RBMS3: variants seen among roughly 807,000 people sequenced by gnomAD.
The protein encoded by RBMS3 is RNA binding motif single stranded interacting protein 3.
Under a neutral mutation model 66.8 loss-of-function variants are expected in RBMS3, and 27 were observed. That is an observed-to-expected ratio of 0.40 (90% CI 0.30 to 0.56). The LOEUF is 0.56. RBMS3 is among the 20% of genes least tolerant of loss of function. RBMS3 has a pLI of 0.40. For missense variants in RBMS3, 513 were observed against 549.5 expected (o/e 0.93, Z 0.66); for synonymous variants, 188 against 183.0 (o/e 1.03, Z -0.22).
intron 7 of RBMS3, among the ~76,000 whole-genome samples, chr3:29,871,684 T>A (rs1304534385): frequency 1.3e-5 from 2 of 152,166 alleles, no homozygotes; most frequent in East Asian, 3.9e-4. Context: ...GGCTAATGTT[T>A]ACTTTTCCTC....
intron 1 of RBMS3, among the ~76,000 whole-genome samples, chr3:29,418,789 T>G (rs1016018290): frequency 3.3e-5 from 5 of 152,186 alleles, no homozygotes; most frequent in African/African-American, 1.2e-4. Flanking sequence ...TTCATTTGAG[T>G]AAAAGCCACC....
At chr3:29,408,150 T>C (rs2040105575) in intron 1 of RBMS3, among the ~76,000 whole-genome samples, 1 of 150,676 alleles carries the variant, frequency 6.6e-6, no homozygotes. Context: ...CGGGTGCCTG[T>C]AGCCCCAGCT....
intron 4 of RBMS3, among the ~76,000 whole-genome samples, chr3:29,716,784 G>A (rs563351855): frequency 3.9e-5 from 6 of 152,004 alleles, no homozygotes; most frequent in Non-Finnish European, 5.9e-5. Context: ...TCCCACTTAC[G>A]CTGATAGATT....
At chr3:29,341,368 C>A (rs1398135670) in intron 1 of RBMS3, among the ~76,000 whole-genome samples, 1 of 152,092 alleles carries the variant, frequency 6.6e-6, no homozygotes, top group East Asian at 1.9e-4. Context: ...ATTATGTTGC[C>A]CATTGTCACT....
At chr3:29,565,658 C>T (rs543639962) in intron 3 of RBMS3, among the ~76,000 whole-genome samples, 58 of 152,260 alleles carry the variant, frequency 3.8e-4, no homozygotes, top group South Asian at 1.0e-3. Flanking sequence ...AATCCTATAG[C>T]ATAAATCTCT....
intron 4 of RBMS3, 89 bp downstream of exon 4, chr3:29,587,294 G>C: frequency 2.8e-6 from 2 of 707,692 alleles, no homozygotes; most frequent in Non-Finnish European, 4.1e-6. Context: ...GAGAGAGAGA[G>C]ATCAGGAGGA....
intron 12 of RBMS3, among the ~76,000 whole-genome samples, chr3:29,954,311 T>C (rs1222730358): frequency 6.6e-6 from 1 of 151,930 alleles, no homozygotes; most frequent in African/African-American, 2.4e-5. Flanking sequence ...AGATATCCCC[T>C]ATCCACTCTT....
intron 4 of RBMS3, among the ~76,000 whole-genome samples, chr3:29,698,859 T>C (rs2052401276): frequency 6.6e-6 from 1 of 152,186 alleles, no homozygotes; most frequent in Admixed American, 6.5e-5. Context: ...TTAAAGACTA[T>C]TATAAAATAT....
At chr3:29,940,095 A>G (rs988917020) in intron 11 of RBMS3, among the ~76,000 whole-genome samples, 2 of 151,772 alleles carry the variant, frequency 1.3e-5, no homozygotes. Flanking sequence ...ATTACTTTTC[A>G]AGTCCCACTG....
At chr3:29,538,128 A>C (rs935793004) in intron 3 of RBMS3, among the ~76,000 whole-genome samples, 1 of 152,160 alleles carries the variant, frequency 6.6e-6, no homozygotes, top group Non-Finnish European at 1.5e-5. Context: ...ATGTCACAGA[A>C]AGCACTATAG....
intron 3 of RBMS3, among the ~76,000 whole-genome samples, chr3:29,498,592 A>G (rs2043851199): frequency 6.6e-6 from 1 of 152,206 alleles, no homozygotes; most frequent in Non-Finnish European, 1.5e-5. Flanking sequence ...ATACCAAGAA[A>G]TTCTCTAAGT....
chr3:29,431,436 GCA>G (rs2125718135), intron 1 of RBMS3, among the ~76,000 whole-genome samples: 2 of 151,522 alleles, frequency 1.3e-5, no homozygotes, highest in East Asian at 3.9e-4. Flanking sequence ...GGGATTATAG[GCA>G]CATACCACCA....
chr3:29,856,867 A>T (rs1273958726), intron 6 of RBMS3, among the ~76,000 whole-genome samples: 1 of 152,166 alleles, frequency 6.6e-6, no homozygotes, highest in African/African-American at 2.4e-5. Flanking sequence ...AATGGTCTTT[A>T]ACATCTCCTT....
At chr3:29,317,420 A>G (rs2034748271) in intron 1 of RBMS3, among the ~76,000 whole-genome samples, 1 of 151,728 alleles carries the variant, frequency 6.6e-6, no homozygotes. Context: ...AAAGCTTTAA[A>G]TAATCTGTAG....
chr3:29,854,181 G>A (rs1176282430), intron 6 of RBMS3, among the ~76,000 whole-genome samples: 1 of 152,138 alleles, frequency 6.6e-6, no homozygotes, highest in African/African-American at 2.4e-5. Context: ...GCTGAGAAGG[G>A]CGTCCCTCCC....
intron 1 of RBMS3, among the ~76,000 whole-genome samples, chr3:29,396,137 CAT>C (rs2039538204): frequency 6.6e-6 from 1 of 152,130 alleles, no homozygotes; most frequent in African/African-American, 2.4e-5. Context: ...AGCTGGATAT[CAT>C]GTGCCTATGG....
rs151151340 is a variant in RBMS3, at chr3:29,680,744, A to G, written c.400-58976A>G. 7.9e-5 allele frequency among the ~76,000 whole-genome samples: 12 copies of G among 152,060 alleles called. No homozygotes were observed. The East Asian group carries it at 2.3e-3, about 29-fold the overall frequency. On this transcript the variant is annotated intron_variant, in intron 4 of 14. Coordinates refer to ENST00000383767, the MANE Select transcript of RBMS3 (RefSeq NM_001003793.3). ...TGCCCGTCACTCTTTCATTCATCCTATTTTTTTCAATAAGGCATCTATTAC... is the reference window on the plus strand; with the variant it reads ...TGCCCGTCACTCTTTCATTCATCCTGTTTTTTTCAATAAGGCATCTATTAC...
At chr3:29,530,281 G>C (rs1010836553) in intron 3 of RBMS3, among the ~76,000 whole-genome samples, 1 of 152,186 alleles carries the variant, frequency 6.6e-6, no homozygotes, top group East Asian at 1.9e-4. Flanking sequence ...AGCTGAAACA[G>C]CACATTGTAA....
intron 6 of RBMS3, among the ~76,000 whole-genome samples, chr3:29,854,529 A>G (rs1174702076): frequency 5.9e-5 from 9 of 152,214 alleles, no homozygotes; most frequent in African/African-American, 1.9e-4. Context: ...TATGTCCGTT[A>G]CTAAATTAGG....
Sources: allele counts gnomAD v4.1 joint callset (sites outside exome capture counted in the v4.1 genomes callset), GRCh38; gene constraint gnomAD v4.1.1; transcripts MANE v1.5; gene names NCBI Gene and HGNC (gene_info 2026-07-23, HGNC 2026-07-21).